The following COL25A1 variants were observed in gnomAD, a reference collection of about 807,000 sequenced individuals.
COL25A1 encodes collagen type XXV alpha 1 chain.
COL25A1 carries 103 observed loss-of-function variants against 128.4 expected under a neutral mutation model. The observed-to-expected ratio is 0.80, with a 90% CI of 0.68 to 0.94. The LOEUF (loss-of-function observed/expected upper bound fraction) is 0.94. COL25A1 is among the 40% of genes least tolerant of loss of function. COL25A1 has a pLI of 0.00. For missense variants in COL25A1, 745 were observed against 840.0 expected (o/e 0.89, Z 1.40); for synonymous variants, 279 against 277.2 (o/e 1.01, Z -0.06).
chr4:108,841,225 C>T (rs1734416891), intron 31 of COL25A1, among the ~76,000 whole-genome samples: 1 of 151,964 alleles, frequency 6.6e-6, no homozygotes, highest in African/African-American at 2.4e-5. Context: ...CCTGAAATAC[C>T]CCACCCACTT....
chr4:109,198,171 C>T (rs1405357633), intron 3 of COL25A1, among the ~76,000 whole-genome samples: 1 of 151,972 alleles, frequency 6.6e-6, no homozygotes, highest in Non-Finnish European at 1.5e-5. Flanking sequence ...TTCCTTCTTT[C>T]GTGGACTTGT....
intron 8 of COL25A1, among the ~76,000 whole-genome samples, chr4:108,971,105 C>T (rs942450450): frequency 1.3e-5 from 2 of 152,146 alleles, no homozygotes; most frequent in Admixed American, 6.5e-5. Flanking sequence ...ACCTCTTCCA[C>T]AGTTGACAGT....
intron 3 of COL25A1, among the ~76,000 whole-genome samples, chr4:109,255,479 T>A (rs1161772866): frequency 6.6e-6 from 1 of 152,156 alleles, no homozygotes; most frequent in Non-Finnish European, 1.5e-5. Context: ...ATGTGGAGTG[T>A]CTCTGAATGG....
intron 3 of COL25A1, among the ~76,000 whole-genome samples, chr4:109,152,178 CA>C (rs1771567557): frequency 6.7e-6 from 1 of 150,284 alleles, no homozygotes. Flanking sequence ...ATGGAAAAAA[CA>C]ATCTCAATAA....
At chr4:108,841,548 A>G (rs1389762320) in intron 31 of COL25A1, 147 bp downstream of exon 31, 1 of 619,382 alleles carries the variant, frequency 1.6e-6, no homozygotes, top group Non-Finnish European at 2.8e-6. Flanking sequence ...TTGTGTTATG[A>G]GATTTAAACA....
At chr4:108,931,219 A>G (rs915711677) in intron 11 of COL25A1, among the ~76,000 whole-genome samples, 2 of 152,222 alleles carry the variant, frequency 1.3e-5, no homozygotes, top group South Asian at 4.1e-4. Flanking sequence ...TATAATATGC[A>G]TCTGTGCATT....
Position 108,852,243 on chromosome 4 carries a change from C to T in COL25A1, c.1382G>A (p.Gly461Glu), listed in dbSNP as rs1253042756. Residue 461 changes from glycine (G) to glutamate (E), a missense_variant, in exon 26 of 38, where the codon GGG becomes GAG. Coordinates refer to ENST00000399132, the MANE Select transcript of COL25A1 (RefSeq NM_198721.4). ...AAGTAAATAAAGAATAACCTTTGGCCCTTGTAGTCCTTGAGGTCCAGGAGG... is the reference window on the plus strand; with the variant it reads ...AAGTAAATAAAGAATAACCTTTGGCTCTTGTAGTCCTTGAGGTCCAGGAGG... ...PGPPGPQGLQ[G>E]PKGEQGSPGI... The T allele has an allele frequency of 1.9e-6, 3 of 1,604,642 alleles. No individual in the cohort carries two copies. In the African/African-American group the frequency reaches 4.0e-5, roughly 22 times the overall value.
At chr4:109,090,865 C>G (rs1764831781) in intron 3 of COL25A1, among the ~76,000 whole-genome samples, 1 of 152,088 alleles carries the variant, frequency 6.6e-6, no homozygotes, top group Non-Finnish European at 1.5e-5. Flanking sequence ...TCATCAAAGT[C>G]AAATCAAAGT....
At chr4:108,889,673 G>T (rs756712376) in intron 17 of COL25A1, 28 bp downstream of exon 17, 1 of 1,608,678 alleles carries the variant, frequency 6.2e-7, no homozygotes, top group Non-Finnish European at 8.5e-7. Flanking sequence ...AACTCCTGGA[G>T]TACAAATACT....
intron 3 of COL25A1, among the ~76,000 whole-genome samples, chr4:109,121,164 T>C (rs1186327189): frequency 2.0e-5 from 3 of 152,000 alleles, no homozygotes; most frequent in African/African-American, 7.2e-5. Context: ...AAGAACAAAT[T>C]TGAAGGACTA....
intron 13 of COL25A1, among the ~76,000 whole-genome samples, chr4:108,914,834 G>A (rs1744680051): frequency 6.6e-6 from 1 of 151,748 alleles, no homozygotes; most frequent in Admixed American, 6.6e-5. Context: ...AAATTCTTAA[G>A]GCATGAGAAT....
At chr4:109,004,588 A>G (rs1755789235) in intron 6 of COL25A1, among the ~76,000 whole-genome samples, 2 of 152,274 alleles carry the variant, frequency 1.3e-5, no homozygotes, top group South Asian at 2.1e-4. Flanking sequence ...TGGATTTCTC[A>G]TGAATGATTT....
chr4:108,897,668 C>A (rs1560824090), intron 15 of COL25A1, among the ~76,000 whole-genome samples: 1 of 152,188 alleles, frequency 6.6e-6, no homozygotes, highest in Non-Finnish European at 1.5e-5. Context: ...GATAACAATG[C>A]ATTACTATTC....
chr4:108,866,098 G>C (rs1247427440), intron 20 of COL25A1, among the ~76,000 whole-genome samples: 1 of 152,082 alleles, frequency 6.6e-6, no homozygotes, highest in Non-Finnish European at 1.5e-5. Flanking sequence ...ATGCTTAAAT[G>C]CAGAAAAATA....
chr4:109,097,074 A>C (rs1300831292), intron 3 of COL25A1, among the ~76,000 whole-genome samples: 2 of 152,208 alleles, frequency 1.3e-5, no homozygotes, highest in Non-Finnish European at 2.9e-5. Flanking sequence ...TAAAAGCAGA[A>C]GGAACTTCGT....
intron 15 of COL25A1, among the ~76,000 whole-genome samples, chr4:108,898,873 T>A (rs1450362563): frequency 2.6e-5 from 4 of 152,196 alleles, no homozygotes; most frequent in Admixed American, 6.5e-5. Context: ...CCTTTCTCTT[T>A]ATTTTTTAAA....
At chr4:109,217,688 T>A (rs1363592512) in intron 3 of COL25A1, among the ~76,000 whole-genome samples, 2 of 152,192 alleles carry the variant, frequency 1.3e-5, no homozygotes, top group African/African-American at 2.4e-5. Context: ...GAGTCCTTTG[T>A]GGATCACGTT....
chr4:109,131,695 A>G (rs913563705), intron 3 of COL25A1, among the ~76,000 whole-genome samples: 2 of 152,186 alleles, frequency 1.3e-5, no homozygotes, highest in African/African-American at 4.8e-5. Flanking sequence ...CAGGAGTGTG[A>G]CGTTCACAAA....
chr4:109,218,365 T>TTTTTTTGTTTTTTTTTTTTG lies in COL25A1; in HGVS notation c.367+82217_367+82218insCAAAAAAAAAAAACAAAAAA, dbSNP rs1578471173. Among the ~76,000 whole-genome samples the TTTTTTTGTTTTTTTTTTTTG allele has an allele frequency of 1.6e-5, 2 of 128,642 alleles. 1 individual carries two copies. The highest frequency in any genetic ancestry group is 1.5e-4 in the Admixed American group (2 of 13,042). 84.4% of individuals were successfully genotyped at this position (128,642 alleles called of 152,430 possible). A position where few individuals can be genotyped will look rare whatever the true frequency, so the allele number is the denominator to read the frequency against. On this transcript the variant is annotated intron_variant, in intron 3 of 37. Coordinates refer to ENST00000399132, the MANE Select transcript of COL25A1 (RefSeq NM_198721.4). ...ATTGCTGGTTTTTTGGGGTTTTTTT[T>TTTTTTTGTTTTTTTTTTTTG]TTTTTTTTTTTTTTTTTGCTTTTGA...
Sources: gnomAD v4.1 joint callset for allele counts (sites outside exome capture counted in the v4.1 genomes callset) on GRCh38, gnomAD v4.1.1 for gene constraint, MANE v1.5 for transcripts, NCBI Gene and HGNC (gene_info 2026-07-23, HGNC 2026-07-21) for gene names.